Variants in ZFP41 observed in about 807,000 individuals in gnomAD.
ZFP41 encodes the protein zinc finger protein 41 homolog.
In ZFP41, 10 loss-of-function variants were observed where a neutral mutation model predicts 11.6. That is an observed-to-expected ratio of 0.86 (90% CI 0.53 to 1.47). The LOEUF is 1.47. Among genes scored for constraint, ZFP41 ranks in the 40% most tolerant of loss-of-function variants. The pLI, the probability that ZFP41 is intolerant of heterozygous loss-of-function variation, is 0.00. For missense variants in ZFP41, 302 were observed against 264.6 expected (o/e 1.14, Z -0.98); for synonymous variants, 123 against 100.9 (o/e 1.22, Z -1.31).
intron 2 of ZFP41, among the ~76,000 whole-genome samples, chr8:143,252,176 G>A (rs950746177): frequency 1.3e-5 from 2 of 152,246 alleles, no homozygotes; most frequent in African/African-American, 4.8e-5. Flanking sequence ...ACCCACACTA[G>A]CTTTGCCTCT....
Position 143,249,900 on chromosome 8 carries a change from C to G in ZFP41, c.57C>G (p.Asp19Glu). 6.2e-7 allele frequency: 1 copy of G among 1,612,802 alleles called. No homozygotes were observed. The change falls in exon 2 of 3, where the codon GAC becomes GAG. Residue 19 changes from aspartate (D) to glutamate (E), a missense_variant. Transcript: ENST00000330701. ...CGCCGACCCCAAGGGAGGAGGCAGA[C>G]GTGCAGAAGAGTGCGCTCAGAGAGG... ...KKTPTPREEA[D>E]VQKSALREEK...
chr8:143,249,795 C>T lies in ZFP41; in HGVS notation c.-49C>T. Reference sequence around the variant, plus strand: ...CAAGCCATTGAGGAAGTGGGGCCAACAGAGAGGTCAGCAGCCCCTTAGCCC... The same window carrying T: ...CAAGCCATTGAGGAAGTGGGGCCAATAGAGAGGTCAGCAGCCCCTTAGCCC... On this transcript the variant is annotated 5_prime_UTR_variant, in exon 2 of 3. Coordinates refer to ENST00000330701, the MANE Select transcript of ZFP41 (RefSeq NM_173832.6). 1 of 1,523,024 alleles carries T rather than the reference C, an allele frequency of 6.6e-7. No individual in the cohort carries two copies. The allele number at this position is 1,523,024 out of a possible 1,614,324, so 94.3% of individuals were successfully genotyped here.
chr8:143,250,042 T>C lies in ZFP41; in HGVS notation c.199T>C (p.Ser67Pro). The C allele has an allele frequency of 6.2e-7, 1 of 1,614,146 alleles. No individual in the cohort carries two copies. The highest frequency in any genetic ancestry group is 8.5e-7 in the Non-Finnish European group (1 of 1,180,022). The change falls in exon 2 of 3, where the codon TCA (serine) becomes CCA (proline). Residue 67 changes from serine (S) to proline (P), a missense_variant. Transcript: ENST00000330701. ...GCACGTCTTTGATGCCTTCGACGCT[T>C]CATTTAAAGATGACTTTGAGGGGGT... Reference protein sequence around the residue: ...EEHVFDAFDASFKDDFEGVPV... With the variant: ...EEHVFDAFDAPFKDDFEGVPV...
intron 1 of ZFP41, among the ~76,000 whole-genome samples, chr8:143,248,936 C>T (rs1278449023): frequency 6.6e-6 from 1 of 152,226 alleles, no homozygotes; most frequent in Non-Finnish European, 1.5e-5. Flanking sequence ...GTTACCTGCA[C>T]TCATGAGGGA....
intron 2 of ZFP41, among the ~76,000 whole-genome samples, chr8:143,257,916 C>G (rs1237497893): frequency 6.6e-6 from 1 of 152,220 alleles, no homozygotes; most frequent in African/African-American, 2.4e-5. Context: ...CCAGTTTTAC[C>G]CAGACTCGGA....
At chr8:143,252,173 C>A (rs555262739) in intron 2 of ZFP41, among the ~76,000 whole-genome samples, 54 of 152,396 alleles carry the variant, frequency 3.5e-4, no homozygotes, top group African/African-American at 1.3e-3. Flanking sequence ...GTCACCCACA[C>A]TAGCTTTGCC....
chr8:143,250,508 T>A lies in ZFP41; in HGVS notation c.*68T>A. The A allele has an allele frequency of 6.4e-7, 1 of 1,556,996 alleles. No individual in the cohort carries two copies. Among genetic ancestry groups the A allele is most frequent in the Non-Finnish European group, 8.7e-7 (1 of 1,151,780 alleles). On this transcript the variant is annotated 3_prime_UTR_variant, in exon 2 of 3. Coordinates refer to ENST00000330701, the MANE Select transcript of ZFP41 (RefSeq NM_173832.6). ...GCCGGACACCTGCTCCGTGGCTCCC[T>A]CGTGTCCCGCGTCTGATGGGGGCGC...
Position 143,262,474 on chromosome 8 carries a change from C to T in ZFP41, c.*3600C>T, listed in dbSNP as rs1442911299. ...TTAACTGTCCTGCCAGCCAAAGCTG[C>T]TGAGCATTACTCTGATAGACCATCA... On this transcript the variant is annotated 3_prime_UTR_variant, in exon 3 of 3. Transcript: ENST00000330701. 2 of 152,402 alleles carry T rather than the reference C, an allele frequency of 1.3e-5. No individual in the cohort carries two copies. The highest frequency in any genetic ancestry group is 2.9e-5 in the Non-Finnish European group (2 of 68,156). 9.4% of individuals were successfully genotyped at this position (152,402 alleles called of 1,614,324 possible).
chr8:143,254,871 A>C (rs1814870357), intron 2 of ZFP41, among the ~76,000 whole-genome samples: 1 of 152,216 alleles, frequency 6.6e-6, no homozygotes, highest in African/African-American at 2.4e-5. Flanking sequence ...TAATGCCTGC[A>C]CAATGACCAG....
chr8:143,261,879 CCGTCTCCGG>C lies in ZFP41; in HGVS notation c.*3007_*3015del. 1 of 71,650 alleles carries C rather than the reference CCGTCTCCGG, an allele frequency of 1.4e-5. No individual in the cohort carries two copies. Among genetic ancestry groups the C allele is most frequent in the Non-Finnish European group, 2.5e-5 (1 of 40,114 alleles). 4.4% of individuals were successfully genotyped at this position (71,650 alleles called of 1,614,324 possible). On this transcript the variant is annotated 3_prime_UTR_variant, in exon 3 of 3. Transcript: ENST00000330701. Reference sequence around the variant, plus strand: ...ACCCGCACCCCTGCACCTGCCACGCCCGTCTCCGGCAGCACCTGCCACGCCCGTCTCCGG... The same window carrying C: ...ACCCGCACCCCTGCACCTGCCACGCCCAGCACCTGCCACGCCCGTCTCCGG...
intron 2 of ZFP41, among the ~76,000 whole-genome samples, chr8:143,256,276 C>T (rs1814910732): frequency 1.0e-5 from 1 of 100,340 alleles, no homozygotes; most frequent in African/African-American, 4.4e-5. Context: ...CGGCTCGCCC[C>T]GCGTGCTGGT....
intron 1 of ZFP41, among the ~76,000 whole-genome samples, chr8:143,248,887 C>T (rs1306445259): frequency 6.6e-6 from 1 of 152,192 alleles, no homozygotes; most frequent in African/African-American, 2.4e-5. Context: ...AAGACCAGAC[C>T]CTCCTTGTTG....
intron 2 of ZFP41, among the ~76,000 whole-genome samples, chr8:143,257,366 G>A (rs1260882691): frequency 2.0e-5 from 3 of 152,174 alleles, no homozygotes; most frequent in East Asian, 1.9e-4. Context: ...GTGTGGTGGC[G>A]CATGCCTGTA....
Position 143,251,136 on chromosome 8 carries a change from CAG to C in ZFP41, c.*701_*702del, listed in dbSNP as rs928131823. 1 of 167,464 alleles carries C rather than the reference CAG, an allele frequency of 6.0e-6. No homozygotes were observed. Among genetic ancestry groups the C allele is most frequent in the Non-Finnish European group, 1.5e-5 (1 of 68,402 alleles). 10.4% of individuals were successfully genotyped at this position (167,464 alleles called of 1,614,324 possible). A position where few individuals can be genotyped will look rare whatever the true frequency, so the allele number is the denominator to read the frequency against. On this transcript the variant is annotated 3_prime_UTR_variant, in exon 2 of 3. Coordinates refer to ENST00000330701, the MANE Select transcript of ZFP41 (RefSeq NM_173832.6). ...TGCCCTCTTGGCCCAGCCTTCCTCCCAGAGAGGCGGCCTGACTTACCTGGATG... is the reference window on the plus strand; with the variant it reads ...TGCCCTCTTGGCCCAGCCTTCCTCCCAGAGGCGGCCTGACTTACCTGGATG...
intron 2 of ZFP41, among the ~76,000 whole-genome samples, chr8:143,257,602 A>C (rs532542063): frequency 1.3e-5 from 2 of 152,364 alleles, no homozygotes; most frequent in East Asian, 3.9e-4. Flanking sequence ...GTTCTTTGAA[A>C]GGACTATTAA....
Position 143,250,931 on chromosome 8 carries a change from G to A in ZFP41, c.*491G>A, listed in dbSNP as rs1004787014. 1.6e-4 allele frequency: 28 copies of A among 176,904 alleles called. No homozygotes were observed. The highest frequency in any genetic ancestry group is 7.8e-4 in the Admixed American group (14 of 17,904). The allele number at this position is 176,904 out of a possible 1,614,324, so 11.0% of individuals were successfully genotyped here. A position where few individuals can be genotyped will look rare whatever the true frequency, so the allele number is the denominator to read the frequency against. Reference sequence around the variant, plus strand: ...TGGACTCTCTGCCCTCTGGGTCCCCGAGCTCTGCAGCGAGCCCTGGGACCA... The same window carrying A: ...TGGACTCTCTGCCCTCTGGGTCCCCAAGCTCTGCAGCGAGCCCTGGGACCA... On this transcript the variant is annotated 3_prime_UTR_variant, in exon 2 of 3. Coordinates refer to ENST00000330701, the MANE Select transcript of ZFP41 (RefSeq NM_173832.6).
In ZFP41 at chr8:143,251,006, C is replaced by T. The variant is rs531471851; in HGVS notation, c.*566C>T. On this transcript the variant is annotated 3_prime_UTR_variant, in exon 2 of 3. Transcript: ENST00000330701. Reference sequence around the variant, plus strand: ...GTGCCCGGGGCCGCTTGTCCCTGCCCGGCCTCTGTGCCCCAACTGTGCTTG... The same window carrying T: ...GTGCCCGGGGCCGCTTGTCCCTGCCTGGCCTCTGTGCCCCAACTGTGCTTG... The T allele has an allele frequency of 2.5e-4, 43 of 170,818 alleles. No homozygotes were observed. Among genetic ancestry groups the T allele is most frequent in the Admixed American group, 6.6e-4 (11 of 16,552 alleles). The allele number at this position is 170,818 out of a possible 1,614,324, so 10.6% of individuals were successfully genotyped here. A position where few individuals can be genotyped will look rare whatever the true frequency, so the allele number is the denominator to read the frequency against.
chr8:143,249,983 G>T lies in ZFP41; in HGVS notation c.140G>T (p.Arg47Leu), dbSNP rs780090829. Residue 47 changes from arginine to leucine, a missense_variant, in exon 2 of 3, where the codon CGC (arginine) becomes CTC (leucine). Physicochemically the swap from Arg to Leu is moderately radical, Grantham distance 102. Transcript: ENST00000330701. ...PERPTVPRKP[R>L]TEPCLSPEDE... The stretch of plus-strand genomic sequence containing the variant: ...AGGCCCACTGTGCCCAGGAAGCCCC[G>T]CACAGAGCCCTGCCTGAGTCCTGAA... The T allele has an allele frequency of 6.2e-7, 1 of 1,613,964 alleles. No individual in the cohort carries two copies. Among genetic ancestry groups the T allele is most frequent in the Admixed American group, 1.7e-5 (1 of 59,996 alleles).
At position 143,249,748 on chromosome 8, in the gene ZFP41, G is replaced by A. The variant is rs1489208641; in HGVS notation, c.-96G>A. The A allele has an allele frequency of 3.4e-6, 5 of 1,487,936 alleles. No homozygotes were observed. In the African/African-American group the frequency reaches 5.6e-5, roughly 17 times the overall value. 92.2% of individuals were successfully genotyped at this position (1,487,936 alleles called of 1,614,324 possible). On this transcript the variant is annotated 5_prime_UTR_variant, in exon 2 of 3. The change creates a new upstream start codon in the 5' untranslated region. Coordinates refer to ENST00000330701, the MANE Select transcript of ZFP41 (RefSeq NM_173832.6). ...GCAGAGCATCAGTCCCACGCTGGGA[G>A]TGTGGAGAGGTGCGTGGGAAGCAAG...
Sources: gnomAD v4.1 joint callset for allele counts (sites outside exome capture counted in the v4.1 genomes callset) on GRCh38, gnomAD v4.1.1 for gene constraint, MANE v1.5 for transcripts, NCBI Gene and HGNC (gene_info 2026-07-23, HGNC 2026-07-21) for gene names.